The following MSL2 variants were observed in gnomAD, a reference collection of about 807,000 sequenced individuals.
MSL2 encodes the protein MSL complex subunit 2.
MSL2 carries 2 observed loss-of-function variants against 35.8 expected under a neutral mutation model. The observed-to-expected ratio is 0.06, with a 90% CI of 0.02 to 0.18. The LOEUF (loss-of-function observed/expected upper bound fraction) is 0.18, where lower values mean the gene tolerates loss of function less well. Ranked by LOEUF, MSL2 falls within the 10% of genes least tolerant of loss-of-function variation. The pLI is 1.00. For synonymous variants in MSL2, 296 were observed against 255.7 expected (o/e 1.16, Z -1.50); for missense variants, 523 against 706.7 (o/e 0.74, Z 2.95).
intron 1 of MSL2, among the ~76,000 whole-genome samples, chr3:136,193,787 A>G (rs1940757420): frequency 6.6e-6 from 1 of 152,152 alleles, no homozygotes; most frequent in Non-Finnish European, 1.5e-5. Flanking sequence ...TAAGGTGTTA[A>G]GTGTCTGTCA....
intron 1 of MSL2, among the ~76,000 whole-genome samples, chr3:136,161,811 G>C (rs1200229870): frequency 6.6e-6 from 1 of 152,000 alleles, no homozygotes; most frequent in Non-Finnish European, 1.5e-5. Context: ...AACACTTTAA[G>C]ACAAGGCACC....
chr3:136,155,608 CT>C, intron 1 of MSL2: 1 of 346,532 alleles, frequency 2.9e-6, no homozygotes. Flanking sequence ...GAGGAGCCTG[CT>C]TTTCATCCTC....
chr3:136,188,491 T>C (rs1360624897), intron 1 of MSL2, among the ~76,000 whole-genome samples: 1 of 150,314 alleles, frequency 6.7e-6, no homozygotes, highest in Non-Finnish European at 1.5e-5. Context: ...GGCTCATGCC[T>C]ATAATCCTAG....
At chr3:136,164,694 G>C (rs910666001) in intron 1 of MSL2, among the ~76,000 whole-genome samples, 4 of 152,060 alleles carry the variant, frequency 2.6e-5, no homozygotes, top group African/African-American at 4.8e-5. Context: ...AAAAAAAAAT[G>C]CATCTTATCC....
chr3:136,181,288 T>C (rs1576372045), intron 1 of MSL2, among the ~76,000 whole-genome samples: 2 of 152,212 alleles, frequency 1.3e-5, no homozygotes, highest in East Asian at 3.9e-4. Flanking sequence ...ATCTATTGAA[T>C]GAAGTATTGA....
rs117785690 is a variant in MSL2 at position 136,191,598 on chromosome 3, G to A, written c.142+3374C>T. The stretch of plus-strand genomic sequence containing the variant: ...AGTTCAAGACCTGCCTGGGCAACAC[G>A]GTAAGACCCTCTCCCTACAAAAACT... On this transcript the variant is annotated intron_variant, in intron 1 of 1. Transcript: ENST00000309993. 2.0e-3 allele frequency among the ~76,000 whole-genome samples: 301 copies of A among 152,232 alleles called. 7 individuals are homozygous for A. In the East Asian group the frequency reaches 0.048, roughly 24 times the overall value.
rs183312210 is a variant in MSL2 at position 136,183,183 on chromosome 3, A to G, written c.142+11789T>C. Among the ~76,000 whole-genome samples, 9 of 152,326 alleles carry G rather than the reference A, an allele frequency of 5.9e-5. No homozygotes were observed. In the East Asian group the frequency reaches 1.5e-3, roughly 26 times the overall value. On this transcript the variant is annotated intron_variant, in intron 1 of 1. Transcript: ENST00000309993. ...AGAAAGAAGCAGGAAAATATAACCCATGATGAGAAGAAAAACCAGTGCGAG... is the reference window on the plus strand; with the variant it reads ...AGAAAGAAGCAGGAAAATATAACCCGTGATGAGAAGAAAAACCAGTGCGAG...
chr3:136,174,579 G>A (rs1263703909), intron 1 of MSL2, among the ~76,000 whole-genome samples: 5 of 152,188 alleles, frequency 3.3e-5, no homozygotes, highest in African/African-American at 4.8e-5. Context: ...AAGAGCAAAA[G>A]GAAGGGGAGG....
intron 1 of MSL2, among the ~76,000 whole-genome samples, chr3:136,153,509 C>T (rs571389084): frequency 1.3e-5 from 2 of 152,294 alleles, no homozygotes; most frequent in Admixed American, 6.5e-5. Context: ...CATTTCAGGC[C>T]GGACACAGTG....
At chr3:136,178,834 C>T (rs370966151) in intron 1 of MSL2, among the ~76,000 whole-genome samples, 7 of 151,986 alleles carry the variant, frequency 4.6e-5, no homozygotes, top group South Asian at 4.2e-4. Flanking sequence ...CGCTGCGCCC[C>T]GCCAGCACAC....
chr3:136,184,846 C>A (rs993339667), intron 1 of MSL2, among the ~76,000 whole-genome samples: 2 of 151,550 alleles, frequency 1.3e-5, no homozygotes, highest in Non-Finnish European at 2.9e-5. Context: ...TCAAATCTAG[C>A]CAATGATGCT....
rs1940823366 is a variant in MSL2, at chr3:136,195,691, G to A, written c.-578C>T. 1.0e-6 allele frequency: 1 copy of A among 985,338 alleles called. No individual in the cohort carries two copies. The allele number at this position is 985,338 out of a possible 1,614,324, so 61.0% of individuals were successfully genotyped here. A position where few individuals can be genotyped will look rare whatever the true frequency, so the allele number is the denominator to read the frequency against. ...CGCGGCGGCGACGAAGGTTGATGTT[G>A]CGGCTGGCGGACGCCGCCGCCGCGC... is the stretch of plus-strand genomic sequence containing the variant. On this transcript the variant is annotated 5_prime_UTR_variant, in exon 1 of 2. Transcript: ENST00000309993.
At chr3:136,180,151 T>C (rs1048942918) in intron 1 of MSL2, among the ~76,000 whole-genome samples, 2 of 152,226 alleles carry the variant, frequency 1.3e-5, no homozygotes, top group African/African-American at 4.8e-5. Flanking sequence ...ATGGCATACA[T>C]TACACAGGGG....
chr3:136,184,101 C>G (rs1048608326), intron 1 of MSL2, among the ~76,000 whole-genome samples: 2 of 151,684 alleles, frequency 1.3e-5, no homozygotes, highest in Admixed American at 1.3e-4. Context: ...AGAGACCATC[C>G]TGGCTAACAC....
At chr3:136,168,289 T>G (rs1020748274) in intron 1 of MSL2, among the ~76,000 whole-genome samples, 2 of 151,706 alleles carry the variant, frequency 1.3e-5, no homozygotes, top group African/African-American at 2.4e-5. Flanking sequence ...CTTGCTAAAA[T>G]GGGATAACAA....
Position 136,195,004 on chromosome 3 carries a change from T to C in MSL2, c.110A>G (p.Tyr37Cys), listed in dbSNP as rs1366508979. 1 of 1,613,664 alleles carries C rather than the reference T, an allele frequency of 6.2e-7. No individual in the cohort carries two copies. The highest frequency in any genetic ancestry group is 8.5e-7 in the Non-Finnish European group (1 of 1,179,964). Residue 37 changes from tyrosine to cysteine, a missense_variant, in exon 1 of 2, where the codon TAC becomes TGC. By Grantham distance (194) the Tyr-to-Cys change is radical (BLOSUM62 -2). Around this residue, in one of 5 missense-constraint regions of MSL2, gnomAD observed 45 missense variants for 47.5 expected, o/e 0.95. Transcript: ENST00000309993. Reference protein sequence around the residue: ...AFTEINRLLPYFRQSLSCCVC... With the variant: ...AFTEINRLLPCFRQSLSCCVC... ...ACAGCACGAAAGGGACTGTCGGAAG[T>C]AAGGCAAGAGCCTGTTAATCTCAGT...
At position 136,195,465 on chromosome 3, in the gene MSL2, T is replaced by C. The variant is rs2108103353; in HGVS notation, c.-352A>G. On this transcript the variant is annotated 5_prime_UTR_variant, in exon 1 of 2. Coordinates refer to ENST00000309993, the MANE Select transcript of MSL2 (RefSeq NM_018133.4). ...CCGCGGCTCGGCAGGCGGCCTGCACTCGAGCTCCATCTCCGGACACGGAGG... is the reference window on the plus strand; with the variant it reads ...CCGCGGCTCGGCAGGCGGCCTGCACCCGAGCTCCATCTCCGGACACGGAGG... 2 of 1,029,314 alleles carry C rather than the reference T, an allele frequency of 1.9e-6. No homozygotes were observed. The highest frequency in any genetic ancestry group is 2.3e-6 in the Non-Finnish European group (2 of 857,942). The allele number at this position is 1,029,314 out of a possible 1,614,324, so 63.8% of individuals were successfully genotyped here.
rs759634023 is a variant in MSL2 at position 136,152,053 on chromosome 3, G to A, written c.828C>T (p.Ser276=). The A allele has an allele frequency of 2.5e-6, 4 of 1,614,054 alleles. No homozygotes were observed. Among genetic ancestry groups the A allele is most frequent in the East Asian group, 2.2e-5 (1 of 44,902 alleles). ...LLLSVEEVLR[S]LETVSNTEVC... ...CCTCTGTATTTGAAACAGTTTCTAA[G>A]CTGCGGAGTACTTCCTCAACACTCA... Residue 276 remains serine, a synonymous_variant, in exon 2 of 2, where the codon AGC becomes AGT. Coordinates refer to ENST00000309993, the MANE Select transcript of MSL2 (RefSeq NM_018133.4).
intron 1 of MSL2, among the ~76,000 whole-genome samples, chr3:136,161,880 T>G (rs922680966): frequency 3.3e-5 from 5 of 152,036 alleles, no homozygotes; most frequent in African/African-American, 1.2e-4. Flanking sequence ...TTAAAGAGTG[T>G]CCTTAGCTTC....
Sources: gnomAD v4.1 joint callset for allele counts (sites outside exome capture counted in the v4.1 genomes callset) on GRCh38, gnomAD v4.1.1 for gene constraint, gnomAD v4.1.1 regional missense constraint, MANE v1.5 for transcripts, NCBI Gene and HGNC (gene_info 2026-07-23, HGNC 2026-07-21) for gene names.